Variants in UPRT observed in about 807,000 individuals in gnomAD.
UPRT encodes the protein RP11-311P8.3.
A neutral mutation model predicts 22.6 loss-of-function variants in UPRT; 5 were observed. The observed-to-expected ratio is 0.22, with a 90% CI of 0.12 to 0.47. The LOEUF is 0.47. UPRT is among the 20% of genes least tolerant of loss of function. The pLI, the probability that UPRT is intolerant of heterozygous loss-of-function variation, is 0.99. For synonymous variants in UPRT, 77 were observed against 87.7 expected (o/e 0.88, Z 0.68); for missense variants, 181 against 239.9 (o/e 0.75, Z 1.62).
chrX:75,160,641 C>T (rs970905699), exon 2 of UPRT, among the ~76,000 whole-genome samples: 1 of 111,569 alleles, frequency 9.0e-6, no homozygotes, highest in African/African-American at 3.3e-5. Context: ...GGGATCCTCC[C>T]GCTTCAGCCT....
At chrX:75,185,901 T>A (rs5937976) in intron 4 of UPRT, among the ~76,000 whole-genome samples, 61,271 of 109,982 alleles carry the variant, frequency 0.56, 15,853 homozygotes, top group Non-Finnish European at 0.8. Context: ...GTCTATTTGA[T>A]TTTTCTCTCT....
At chrX:75,267,001 T>C (rs759140851) in intron 4 of UPRT, among the ~76,000 whole-genome samples, 30 of 111,437 alleles carry the variant, frequency 2.7e-4, no homozygotes, top group Non-Finnish European at 5.1e-4. Flanking sequence ...GACTGTAAAC[T>C]GGTTCAATCA....
At chrX:75,219,053 A>T (rs1378586412) in intron 4 of UPRT, among the ~76,000 whole-genome samples, 1 of 109,528 alleles carries the variant, frequency 9.1e-6, no homozygotes, top group Non-Finnish European at 1.9e-5. Context: ...ATAAAATTTA[A>T]AAAAAAAGAG....
chrX:75,236,885 A>C (rs1377801301), intron 4 of UPRT, among the ~76,000 whole-genome samples: 1 of 112,443 alleles, frequency 8.9e-6, no homozygotes, highest in East Asian at 2.8e-4. Flanking sequence ...GGACATAGGC[A>C]TGGCAAGGAC....
At chrX:75,282,578 A>C (rs1181905706) in intron 1 of UPRT, among the ~76,000 whole-genome samples, 1 of 111,690 alleles carries the variant, frequency 9.0e-6, no homozygotes, top group East Asian at 2.8e-4. Flanking sequence ...TATTTGCATG[A>C]TTTTGAAGGT....
chrX:75,236,591 C>CA (rs199783185), intron 4 of UPRT, among the ~76,000 whole-genome samples: 11 of 110,775 alleles, frequency 9.9e-5, no homozygotes, highest in East Asian at 2.8e-4. Flanking sequence ...ATACTGGTAC[C>CA]AAAAAAAAGA....
chrX:75,214,984 C>CAG (rs1428924252), intron 4 of UPRT, among the ~76,000 whole-genome samples: 3 of 106,533 alleles, frequency 2.8e-5, no homozygotes, highest in Non-Finnish European at 3.8e-5. Context: ...CACACACACA[C>CAG]ACACACACAC....
chrX:75,250,620 T>G (rs2082525717), intron 4 of UPRT, among the ~76,000 whole-genome samples: 1 of 111,214 alleles, frequency 9.0e-6, no homozygotes, highest in African/African-American at 3.3e-5. Flanking sequence ...ACAGCCGAAT[T>G]CTACCAGAGG....
At chrX:75,171,688 GT>G (rs1245936282) in intron 4 of UPRT, among the ~76,000 whole-genome samples, 6 of 108,773 alleles carry the variant, frequency 5.5e-5, no homozygotes, top group Admixed American at 9.9e-5. Context: ...TGTTTTTCTG[GT>G]TTCTTCTCAT....
chrX:75,184,748 G>T (rs774268937), intron 4 of UPRT, among the ~76,000 whole-genome samples: 1 of 110,153 alleles, frequency 9.1e-6, no homozygotes, highest in African/African-American at 3.3e-5. Flanking sequence ...CACATCCCTT[G>T]TAAGTTGGAT....
chrX:75,277,559 AAGATACT>A (rs1181262665), intron 1 of UPRT, among the ~76,000 whole-genome samples: 2 of 111,277 alleles, frequency 1.8e-5, no homozygotes. Flanking sequence ...AGGCTAAAAC[AAGATACT>A]GTTCATGAAT....
intron 4 of UPRT, among the ~76,000 whole-genome samples, chrX:75,267,934 G>T (rs1336856189): frequency 9.0e-6 from 1 of 111,005 alleles, no homozygotes; most frequent in Non-Finnish European, 1.9e-5. Flanking sequence ...AGGAGATAGA[G>T]ACACAAAAAA....
chrX:75,267,143 G>A (rs893120380), intron 4 of UPRT, among the ~76,000 whole-genome samples: 3 of 111,974 alleles, frequency 2.7e-5, no homozygotes, highest in Non-Finnish European at 5.6e-5. Flanking sequence ...GCGCATGTAT[G>A]TTTATTGAGG....
intron 4 of UPRT, among the ~76,000 whole-genome samples, chrX:75,226,839 T>C (rs1033817046): frequency 9.0e-6 from 1 of 110,831 alleles, no homozygotes; most frequent in African/African-American, 3.3e-5. Flanking sequence ...GATAATTTTC[T>C]CTTTTGTTCA....
chrX:75,251,980 A>G (rs1420282791), intron 4 of UPRT, among the ~76,000 whole-genome samples: 2 of 112,141 alleles, frequency 1.8e-5, no homozygotes, highest in African/African-American at 6.5e-5. Flanking sequence ...CCTATTTAAT[A>G]AATGGTGCTG....
At chrX:75,229,380 A>G (rs1427172156) in intron 4 of UPRT, among the ~76,000 whole-genome samples, 1 of 112,348 alleles carries the variant, frequency 8.9e-6, no homozygotes, top group Non-Finnish European at 1.9e-5. Context: ...GAAAGCCAGG[A>G]AAGTAAATAG....
intron 4 of UPRT, among the ~76,000 whole-genome samples, chrX:75,227,784 G>A (rs953804678): frequency 3.6e-5 from 4 of 112,311 alleles, no homozygotes; most frequent in Admixed American, 9.4e-5. Flanking sequence ...TTGCAAGCAG[G>A]TACATGTTAG....
intron 3 of UPRT, among the ~76,000 whole-genome samples, chrX:75,166,366 T>G (rs1027145911): frequency 1.8e-5 from 2 of 111,990 alleles, no homozygotes; most frequent in Admixed American, 1.9e-4. Flanking sequence ...GGAATGTCAG[T>G]TTCCACTCAG....
intron 4 of UPRT, among the ~76,000 whole-genome samples, chrX:75,258,502 A>G (rs1218205137): frequency 1.8e-5 from 2 of 111,381 alleles, no homozygotes; most frequent in African/African-American, 6.5e-5. Flanking sequence ...AAACAAAGCC[A>G]CGAGGAAGTT....
Sources: allele counts gnomAD v4.1 joint callset (sites outside exome capture counted in the v4.1 genomes callset), GRCh38; gene constraint gnomAD v4.1.1; transcripts MANE v1.5; gene names NCBI Gene and HGNC (gene_info 2026-07-23, HGNC 2026-07-21).